REDIC1: variants seen among roughly 807,000 people sequenced by gnomAD.
REDIC1 encodes regulator of DNA class I crossover intermediates 1.
the REDIC1 span, among the ~76,000 whole-genome samples, chr12:39,895,515 TA>T: frequency 0.074 from 51 of 692 alleles, 2 homozygotes; most frequent in East Asian, 0.33. Context: ...AAAAAAAAAT[TA>T]TATATATATA....
chr12:39,768,390 C>G, the REDIC1 span, among the ~76,000 whole-genome samples: 1 of 152,032 alleles, frequency 6.6e-6, no homozygotes, highest in Non-Finnish European at 1.5e-5. Flanking sequence ...TAAGAATTTT[C>G]TTTTGTAGTC....
At chr12:39,730,093 G>C in the REDIC1 span, among the ~76,000 whole-genome samples, 3 of 152,094 alleles carry the variant, frequency 2.0e-5, no homozygotes, top group African/African-American at 7.2e-5. Flanking sequence ...GCACACCTAT[G>C]GGTCTTGAAT....
At chr12:39,633,766 G>C in the REDIC1 span, among the ~76,000 whole-genome samples, 13 of 152,212 alleles carry the variant, frequency 8.5e-5, no homozygotes, top group East Asian at 1.9e-3. Flanking sequence ...TGTATAAGTG[G>C]TCTGTCCTTG....
At chr12:39,670,639 T>A in the REDIC1 span, among the ~76,000 whole-genome samples, 1,055 of 152,366 alleles carry the variant, frequency 6.9e-3, 14 homozygotes, top group African/African-American at 0.024. Context: ...TCAAATAGGT[T>A]TTCTATACCA....
chr12:39,682,916 G>A, the REDIC1 span: 1 of 1,613,052 alleles, frequency 6.2e-7, no homozygotes, highest in Non-Finnish European at 8.5e-7. Context: ...GGAGATACTT[G>A]TGTAGTCACT....
chr12:39,643,877 A>G, the REDIC1 span: 5 of 1,568,372 alleles, frequency 3.2e-6, no homozygotes, highest in African/African-American at 4.1e-5. Context: ...TTCTTAACCT[A>G]TATATGGTAA....
At chr12:39,751,603 G>C in the REDIC1 span, among the ~76,000 whole-genome samples, 3 of 152,170 alleles carry the variant, frequency 2.0e-5, no homozygotes, top group Non-Finnish European at 4.4e-5. Flanking sequence ...ACATGGACAT[G>C]TATGTTTATT....
chr12:39,888,848 C>G, the REDIC1 span, among the ~76,000 whole-genome samples: 2 of 152,116 alleles, frequency 1.3e-5, no homozygotes, highest in African/African-American at 4.8e-5. Flanking sequence ...ACACATACTA[C>G]TATGATTTGA....
chr12:39,814,808 A>G, the REDIC1 span, among the ~76,000 whole-genome samples: 5 of 152,228 alleles, frequency 3.3e-5, no homozygotes, highest in Non-Finnish European at 7.4e-5. Context: ...CATTATCACA[A>G]TTATGCATAT....
the REDIC1 span, among the ~76,000 whole-genome samples, chr12:39,645,871 G>T: frequency 9.3e-4 from 142 of 152,148 alleles, 1 homozygote; most frequent in African/African-American, 3.2e-3. Context: ...TTAGTAACTG[G>T]GATTACAGGC....
the REDIC1 span, among the ~76,000 whole-genome samples, chr12:39,810,702 A>T: frequency 6.6e-6 from 1 of 152,240 alleles, no homozygotes; most frequent in African/African-American, 2.4e-5. Context: ...GAATTTAATC[A>T]ATTTATTTTC....
chr12:39,725,876 G>C, the REDIC1 span, among the ~76,000 whole-genome samples: 1 of 152,006 alleles, frequency 6.6e-6, no homozygotes, highest in East Asian at 1.9e-4. Context: ...AGGTGTCTGA[G>C]GGGTGTGTGT....
At chr12:39,855,505 C>T in the REDIC1 span, among the ~76,000 whole-genome samples, 1 of 152,314 alleles carries the variant, frequency 6.6e-6, no homozygotes, top group East Asian at 1.9e-4. Flanking sequence ...GCCTTCATTA[C>T]ACTGTTTTGC....
At chr12:39,698,657 C>A in the REDIC1 span, among the ~76,000 whole-genome samples, 1 of 152,016 alleles carries the variant, frequency 6.6e-6, no homozygotes, top group Non-Finnish European at 1.5e-5. Flanking sequence ...TTTCTAACTA[C>A]AATGGAATAA....
At chr12:39,643,701 T>C in the REDIC1 span, 1 of 1,048,374 alleles carries the variant, frequency 9.5e-7, no homozygotes, top group Non-Finnish European at 1.4e-6. Flanking sequence ...CTTAATAACA[T>C]GATTGCTTTT....
At chr12:39,837,390 G>T in the REDIC1 span, among the ~76,000 whole-genome samples, 1 of 117,290 alleles carries the variant, frequency 8.5e-6, no homozygotes, top group Admixed American at 8.9e-5. Flanking sequence ...AAAAACCCTA[G>T]AAGAAAACCT....
chr12:39,845,919 C>T, the REDIC1 span, among the ~76,000 whole-genome samples: 1 of 152,046 alleles, frequency 6.6e-6, no homozygotes, highest in Non-Finnish European at 1.5e-5. Flanking sequence ...AAGGAGGAGG[C>T]TTAGAAAAGA....
At chr12:39,844,536 T>C in the REDIC1 span, among the ~76,000 whole-genome samples, 1 of 151,980 alleles carries the variant, frequency 6.6e-6, no homozygotes, top group South Asian at 2.1e-4. Flanking sequence ...GTGTTCTTTT[T>C]AGAAAAGAAA....
the REDIC1 span, among the ~76,000 whole-genome samples, chr12:39,822,793 T>A: frequency 6.6e-6 from 1 of 152,210 alleles, no homozygotes; most frequent in Non-Finnish European, 1.5e-5. Context: ...AATATTAAGT[T>A]TGACTGAAAA....
Sources: gnomAD v4.1 joint callset for allele counts (sites outside exome capture counted in the v4.1 genomes callset) on GRCh38, gnomAD v4.1.1 for gene constraint, MANE v1.5 for transcripts, NCBI Gene and HGNC (gene_info 2026-07-23, HGNC 2026-07-21) for gene names.